POLG: variants seen among roughly 807,000 people sequenced by gnomAD.
POLG encodes DNA polymerase subunit gamma-1.
In POLG, 110 loss-of-function variants were observed where a neutral mutation model predicts 155.4. That is an observed-to-expected ratio of 0.71 (90% CI 0.61 to 0.83). POLG has a LOEUF of 0.83. POLG is among the 40% of genes least tolerant of loss of function. The pLI is 0.00. For synonymous variants in POLG, 701 were observed against 631.5 expected (o/e 1.11, Z -1.65); for missense variants, 1,685 against 1,627.5 (o/e 1.04, Z -0.61).
In POLG at chr15:89,329,122, G is replaced by A. The variant is rs1287243080; in HGVS notation, c.856-12C>T. 2.5e-6 allele frequency: 4 copies of A among 1,607,780 alleles called. No homozygotes were observed. Among genetic ancestry groups the A allele is most frequent in the South Asian group, 2.2e-5 (2 of 90,664 alleles). Reference sequence around the variant, plus strand: ...CGCATGCGGGAACCCTGAGGAGGAGGAGGAGAAAAGGGAAGGGAAGGAGGG... The same window carrying A: ...CGCATGCGGGAACCCTGAGGAGGAGAAGGAGAAAAGGGAAGGGAAGGAGGG... On this transcript the variant is annotated splice_polypyrimidine_tract_variant and intron_variant, in intron 3 of 22. Transcript: ENST00000268124.
In POLG at chr15:89,325,093, TGAGTGAGAGAGTGAGAGA is replaced by T. The variant is rs1567189258; in HGVS notation, c.1949+339_1949+356del. Among the ~76,000 whole-genome samples, 73 of 42,338 alleles carry T rather than the reference TGAGTGAGAGAGTGAGAGA, an allele frequency of 1.7e-3. 11 individuals are homozygous for T. Among genetic ancestry groups the T allele is most frequent in the African/African-American group, 7.6e-3 (67 of 8,802 alleles). The allele number at this position is 42,338 out of a possible 152,430, so 27.8% of individuals were successfully genotyped here. ...GTGAGTGAGTGAGTGAGAGAGTGAG[TGAGTGAGAGAGTGAGAGA>T]GAGTGAGTGAGTGAGTGAGAGAGTG... On this transcript the variant is annotated intron_variant, in intron 10 of 22. Coordinates refer to ENST00000268124, the MANE Select transcript of POLG (RefSeq NM_002693.3).
At chr15:89,327,870 A>G (rs2055543228) in intron 6 of POLG, among the ~76,000 whole-genome samples, 1 of 152,076 alleles carries the variant, frequency 6.6e-6, no homozygotes, top group Non-Finnish European at 1.5e-5. Flanking sequence ...ATCCACTTCC[A>G]CCTAATGAAT....
At position 89,323,510 on chromosome 15, in the gene POLG, G is replaced by T. The variant is rs1314927216; in HGVS notation, c.2159C>A (p.Thr720Asn). ...AAVPGQPLAL[T>N]ARGGPKDTQP... ...GGTGTCCTTGGGGCCACCACGGGCA[G>T]TCTGTGAGGGCCACACACCTATATC... Residue 720 changes from threonine (T) to asparagine (N), a missense_variant and splice_region_variant, in exon 13 of 23, where the codon ACT becomes AAT. Transcript: ENST00000268124. 3 of 1,593,402 alleles carry T rather than the reference G, an allele frequency of 1.9e-6. No homozygotes were observed. The highest frequency in any genetic ancestry group is 2.6e-6 in the Non-Finnish European group (3 of 1,161,160).
chr15:89,325,275 A>AGAGT (rs1305284398), intron 10 of POLG, among the ~76,000 whole-genome samples, 175 bp downstream of exon 10: 1 of 102,166 alleles, frequency 9.8e-6, no homozygotes, highest in African/African-American at 5.6e-5. Context: ...AGTGAGTGAG[A>AGAGT]GAGAGAGAAA....
At chr15:89,331,570 G>C (rs921496652) in intron 2 of POLG, among the ~76,000 whole-genome samples, 4 of 152,230 alleles carry the variant, frequency 2.6e-5, no homozygotes, top group Non-Finnish European at 4.4e-5. Flanking sequence ...CTGATGGCCA[G>C]AGAGACGTCC....
intron 18 of POLG, among the ~76,000 whole-genome samples, chr15:89,319,704 G>C (rs985338712): frequency 1.3e-5 from 2 of 152,246 alleles, no homozygotes; most frequent in African/African-American, 4.8e-5. Context: ...TTATTCAGGA[G>C]GCAGCAAGGG....
intron 20 of POLG, 48 bp from the exon 21 acceptor site, chr15:89,318,797 A>C (rs935256784): frequency 6.4e-7 from 1 of 1,569,258 alleles, no homozygotes; most frequent in Non-Finnish European, 8.8e-7. Context: ...GCTACATACC[A>C]ATTAACTCCA....
intron 3 of POLG, 38 bp downstream of exon 3, chr15:89,330,043 C>T (rs748673534): frequency 6.5e-7 from 1 of 1,544,178 alleles, no homozygotes; most frequent in Non-Finnish European, 9.0e-7. Context: ...CCTGGCCCAT[C>T]CCATGCCAGA....
At chr15:89,329,377 G>C (rs188533553) in intron 3 of POLG, among the ~76,000 whole-genome samples, 1 of 152,318 alleles carries the variant, frequency 6.6e-6, no homozygotes, top group South Asian at 2.1e-4. Flanking sequence ...GTCCTTCTCA[G>C]CTTCCAACAA....
intron 21 of POLG, 41 bp downstream of exon 21, chr15:89,318,500 A>C: frequency 1.3e-6 from 2 of 1,561,732 alleles, no homozygotes; most frequent in South Asian, 2.2e-5. Context: ...AGCCCCACAT[A>C]GGAGCACATG....
rs2055531147 is a variant in POLG, at chr15:89,327,040, C to T, written c.1457G>A (p.Trp486Ter). The T allele has an allele frequency of 6.2e-7, 1 of 1,614,216 alleles. No homozygotes were observed. The highest frequency in any genetic ancestry group is 1.7e-5 in the Admixed American group (1 of 60,028). Residue 486 changes from tryptophan (W) to a stop codon, truncating the protein, a stop_gained, in exon 8 of 23, where the codon TGG (tryptophan) becomes TAG (stop). Transcript: ENST00000268124. LOFTEE classifies it high-confidence loss of function. ...GERYKEDPWL[W>*]DLEWDLQEFK... ...TTCTTGCAGGTCCCACTCCAGGTCCCAGAGCCAGGGGTCTTCTTTGTACCT... is the reference window on the plus strand; with the variant it reads ...TTCTTGCAGGTCCCACTCCAGGTCCTAGAGCCAGGGGTCTTCTTTGTACCT...
At chr15:89,321,380 A>G (rs56125611) in intron 16 of POLG, 120 bp from the exon 17 acceptor site, 4 of 1,179,894 alleles carry the variant, frequency 3.4e-6, no homozygotes, top group Admixed American at 2.0e-5. Flanking sequence ...GCCAGACAGC[A>G]CTGCTGAAAT....
rs773717921 is a variant in POLG at position 89,325,249 on chromosome 15, A to AGT, written c.1949+200_1949+201insAC. Among the ~76,000 whole-genome samples, 20 of 96,882 alleles carry AGT rather than the reference A, an allele frequency of 2.1e-4. 4 individuals carry two copies. Among genetic ancestry groups the AGT allele is most frequent in the African/African-American group, 1.1e-3 (17 of 15,718 alleles). The allele number at this position is 96,882 out of a possible 152,430, so 63.6% of individuals were successfully genotyped here. On this transcript the variant is annotated intron_variant, in intron 10 of 22. Transcript: ENST00000268124. ...GAGTGAGTGAGAGAGTGAGTGAGTG[A>AGT]GAGAGAGAGTGAGTGAGTGAGTGAG...
rs1023975185 is a variant in POLG at position 89,322,013 on chromosome 15, G to A, written c.2429C>T (p.Ser810Phe). 6.2e-7 allele frequency: 1 copy of A among 1,614,104 alleles called. No individual in the cohort carries two copies. The highest frequency in any genetic ancestry group is 8.5e-7 in the Non-Finnish European group (1 of 1,179,960). Residue 810 changes from serine (S) to phenylalanine (F), a missense_variant and splice_region_variant, in exon 15 of 23, where the codon TCC becomes TTC. By Grantham distance (155) the Ser-to-Phe change is radical. Around this residue, in one of 3 missense-constraint regions of POLG, gnomAD observed 1,210 missense variants for 1,167.1 expected, o/e 1.04. Transcript: ENST00000268124. ...FWRNAHKRIS[S>F]QMVVWLPRSA... ...CCTGGGCAGCCACACCACCATCTGG[G>A]AGCTGTGGGGACAGACAACGTGAGG...
At position 89,333,598 on chromosome 15, in the gene POLG, G is replaced by GCTGCTC. The variant is rs1197356640; in HGVS notation, c.156_157insGAGCAG (p.Gln52_Gln53insGluGln). The GCTGCTC allele has an allele frequency of 7.4e-7, 1 of 1,352,650 alleles. No homozygotes were observed. 83.8% of individuals were successfully genotyped at this position (1,352,650 alleles called of 1,614,324 possible). A position where few individuals can be genotyped will look rare whatever the true frequency, so the allele number is the denominator to read the frequency against. On this transcript the variant is annotated inframe_insertion, in exon 2 of 23. Transcript: ENST00000268124. ...ACTTGCGGCTGCTGAGGCTGCTGTT[G>GCTGCTC]CTGCTGCTGCTGCTGCTGCTGCTGC...
intron 18 of POLG, 102 bp downstream of exon 18, chr15:89,320,664 G>T (rs1043892292): frequency 2.2e-6 from 3 of 1,349,240 alleles, no homozygotes; most frequent in Non-Finnish European, 3.1e-6. Flanking sequence ...CTAGGTGAGA[G>T]TTCAAGTAAT....
rs752845954 is a variant in POLG at position 89,325,460 on chromosome 15, A to C, written c.1939T>G (p.Cys647Gly). ...GTTLESAGVVCPYRAIESLYR... is the reference protein window; with the variant it reads ...GTTLESAGVVGPYRAIESLYR... ...GGGCCTAAGCCTTACCTGTAGGGGC[A>C]GACCACCCCAGCTGACTCCAGGGTG... The change falls in exon 10 of 23, where the codon TGC (cysteine) becomes GGC (glycine). Residue 647 changes from cysteine (C) to glycine (G), a missense_variant. Coordinates refer to ENST00000268124, the MANE Select transcript of POLG (RefSeq NM_002693.3). 1 of 1,600,934 alleles carries C rather than the reference A, an allele frequency of 6.2e-7. No homozygotes were observed. The highest frequency in any genetic ancestry group is 8.5e-7 in the Non-Finnish European group (1 of 1,177,638).
intron 12 of POLG, 81 bp downstream of exon 12, chr15:89,323,730 TCTGG>T (rs2055431487): frequency 2.6e-6 from 3 of 1,169,298 alleles, no homozygotes; most frequent in Non-Finnish European, 3.9e-6. Context: ...CCTAGGGAAC[TCTGG>T]CTGGGAAGAA....
Position 89,334,797 on chromosome 15 carries a change from T to C in POLG, c.-284A>G, listed in dbSNP as rs1237375705. On this transcript the variant is annotated 5_prime_UTR_variant, in exon 1 of 23. Coordinates refer to ENST00000268124, the MANE Select transcript of POLG (RefSeq NM_002693.3). ...GTGGCCTCCACCCGGCCGGTCCGCT[T>C]CGCTGGCAGCCGCAACTTCCCGTCT... 1 of 152,320 alleles carries C rather than the reference T, an allele frequency of 6.6e-6. No homozygotes were observed. Among genetic ancestry groups the C allele is most frequent in the Non-Finnish European group, 1.5e-5 (1 of 68,088 alleles). 9.4% of individuals were successfully genotyped at this position (152,320 alleles called of 1,614,324 possible).
Sources: allele counts gnomAD v4.1 joint callset (sites outside exome capture counted in the v4.1 genomes callset), GRCh38; gene constraint gnomAD v4.1.1; regional missense constraint gnomAD v4.1.1; transcripts MANE v1.5; gene names NCBI Gene and HGNC (gene_info 2026-07-23, HGNC 2026-07-21).